WASF3: variants seen among roughly 807,000 people sequenced by gnomAD.
The protein encoded by WASF3 is actin-binding protein WASF3.
WASF3 carries 11 observed loss-of-function variants against 46.6 expected under a neutral mutation model. That is an observed-to-expected ratio of 0.24 (90% confidence interval 0.15 to 0.39). WASF3 has a LOEUF of 0.39. Ranked by LOEUF, WASF3 falls within the 10% of genes least tolerant of loss-of-function variation. The pLI is 1.00. For synonymous variants in WASF3, 242 were observed against 259.7 expected (o/e 0.93, Z 0.65); for missense variants, 576 against 669.8 (o/e 0.86, Z 1.55).
chr13:26,552,090 C>A, the WASF3 span, among the ~76,000 whole-genome samples: 2 of 152,172 alleles, frequency 1.3e-5, no homozygotes, highest in Admixed American at 1.3e-4. Context: ...TCTGCTGTTT[C>A]ACTTAGCAAG....
chr13:26,663,923 C>T (rs556562864), intron 3 of WASF3, among the ~76,000 whole-genome samples: 1 of 152,182 alleles, frequency 6.6e-6, no homozygotes, highest in African/African-American at 2.4e-5. Context: ...GGACGGATCA[C>T]CTTTCTGATC....
intron 1 of WASF3, among the ~76,000 whole-genome samples, chr13:26,596,492 T>C (rs1180543141): frequency 1.3e-5 from 2 of 152,298 alleles, no homozygotes; most frequent in African/African-American, 2.4e-5. Context: ...AATTTAGCCT[T>C]CTTAAATGTT....
At chr13:26,620,980 G>T (rs1881287757) in intron 2 of WASF3, among the ~76,000 whole-genome samples, 1 of 152,140 alleles carries the variant, frequency 6.6e-6, no homozygotes, top group African/African-American at 2.4e-5. Flanking sequence ...GCTAAGTGAC[G>T]TTTTAAAATG....
At chr13:26,631,340 A>G (rs1358257091) in intron 2 of WASF3, among the ~76,000 whole-genome samples, 2 of 152,266 alleles carry the variant, frequency 1.3e-5, no homozygotes, top group Middle Eastern at 3.4e-3. Context: ...TCTTGAGTTA[A>G]TTTTTGTATA....
At chr13:26,552,280 G>A in the WASF3 span, among the ~76,000 whole-genome samples, 29 of 152,110 alleles carry the variant, frequency 1.9e-4, no homozygotes, top group Non-Finnish European at 3.5e-4. Context: ...AACAAATACA[G>A]CATACTGCAC....
At chr13:26,555,441 T>C (rs1365510420), upstream of WASF3, among the ~76,000 whole-genome samples, 1 of 152,158 alleles carries the variant, frequency 6.6e-6, no homozygotes, top group Non-Finnish European at 1.5e-5. Flanking sequence ...GCCCCAACTT[T>C]AAATACTTAG....
chr13:26,653,610 G>A (rs1306802655), intron 3 of WASF3, among the ~76,000 whole-genome samples: 1 of 152,156 alleles, frequency 6.6e-6, no homozygotes, highest in African/African-American at 2.4e-5. Flanking sequence ...CTGCACAGTG[G>A]TCCGCCACCT....
intron 1 of WASF3, among the ~76,000 whole-genome samples, chr13:26,565,598 TC>T (rs1176064029): frequency 1.3e-5 from 2 of 152,216 alleles, no homozygotes; most frequent in African/African-American, 4.8e-5. Flanking sequence ...TGGCTTTTGA[TC>T]AGAAACCCAG....
intron 1 of WASF3, among the ~76,000 whole-genome samples, chr13:26,574,354 C>A (rs757849489): frequency 1.3e-5 from 2 of 152,050 alleles, no homozygotes; most frequent in Admixed American, 6.6e-5. Flanking sequence ...ACTCTTGGAT[C>A]AGGCATAATT....
At chr13:26,552,718 G>A, upstream of WASF3, among the ~76,000 whole-genome samples, 1 of 152,150 alleles carries the variant, frequency 6.6e-6, no homozygotes, top group Non-Finnish European at 1.5e-5. Flanking sequence ...CTTTTAATTA[G>A]TAACCACTCT....
At chr13:26,566,281 G>A (rs978202758) in intron 1 of WASF3, among the ~76,000 whole-genome samples, 3 of 152,178 alleles carry the variant, frequency 2.0e-5, no homozygotes, top group African/African-American at 7.2e-5. Flanking sequence ...TATTTGAGAT[G>A]ATGATTTATT....
intron 3 of WASF3, among the ~76,000 whole-genome samples, chr13:26,658,935 G>C (rs1048885355): frequency 4.9e-4 from 74 of 152,202 alleles, no homozygotes; most frequent in African/African-American, 1.5e-3. Flanking sequence ...TATAAGCCAG[G>C]CATGCTCTAG....
At chr13:26,610,190 G>A (rs1880927623) in intron 1 of WASF3, among the ~76,000 whole-genome samples, 1 of 152,150 alleles carries the variant, frequency 6.6e-6, no homozygotes, top group Non-Finnish European at 1.5e-5. Context: ...TGTCAGATTT[G>A]TTCCCTTTAA....
At chr13:26,617,386 G>A (rs1881167515) in intron 2 of WASF3, among the ~76,000 whole-genome samples, 2 of 152,058 alleles carry the variant, frequency 1.3e-5, no homozygotes, top group South Asian at 2.1e-4. Context: ...CATTTGCCTG[G>A]TGTATATTTT....
chr13:26,618,503 C>T (rs1265237149), intron 2 of WASF3, among the ~76,000 whole-genome samples: 1 of 151,530 alleles, frequency 6.6e-6, no homozygotes, highest in Middle Eastern at 3.4e-3. Context: ...TCCGCCCCCC[C>T]GTCTCTTTCA....
intron 6 of WASF3, among the ~76,000 whole-genome samples, chr13:26,673,996 C>T (rs7322405): frequency 0.041 from 6,239 of 152,062 alleles, 395 homozygotes; most frequent in African/African-American, 0.14. Flanking sequence ...GATGAGGTGG[C>T]GTGCTTCCGA....
upstream of WASF3, among the ~76,000 whole-genome samples, chr13:26,554,096 C>CTTCTTTCTTTTTCT (rs1879039523): frequency 1.4e-4 from 1 of 7,372 alleles, no homozygotes; most frequent in African/African-American, 3.8e-4. Flanking sequence ...TCCTTCCTTC[C>CTTCTTTCTTTTTCT]TTCTTTCTTT....
At chr13:26,580,586 T>A (rs914017633) in intron 1 of WASF3, among the ~76,000 whole-genome samples, 5 of 151,932 alleles carry the variant, frequency 3.3e-5, no homozygotes, top group African/African-American at 1.2e-4. Flanking sequence ...AATTCTCAGG[T>A]CAAATTATTT....
intron 2 of WASF3, chr13:26,625,999 A>G (rs1190477639): frequency 6.6e-6 from 1 of 152,226 alleles, no homozygotes; most frequent in Non-Finnish European, 1.5e-5. Flanking sequence ...AACAGGTGGG[A>G]CAAATAGAAA....
Sources: allele counts gnomAD v4.1 joint callset (sites outside exome capture counted in the v4.1 genomes callset), GRCh38; gene constraint gnomAD v4.1.1; transcripts MANE v1.5; gene names NCBI Gene and HGNC (gene_info 2026-07-23, HGNC 2026-07-21).